Variants in SLC31A1 observed in about 807,000 individuals in gnomAD.
SLC31A1 encodes the protein high affinity copper uptake protein 1.
Under a neutral mutation model 17.2 loss-of-function variants are expected in SLC31A1, and 5 were observed. That is an observed-to-expected ratio of 0.29 (90% confidence interval 0.15 to 0.61). SLC31A1 has a LOEUF of 0.61. SLC31A1 is among the 20% of genes least tolerant of loss of function. SLC31A1 has a pLI of 0.86. For synonymous variants in SLC31A1, 76 were observed against 78.8 expected (o/e 0.96, Z 0.19); for missense variants, 161 against 241.4 (o/e 0.67, Z 2.21).
intron 1 of SLC31A1, among the ~76,000 whole-genome samples, chr9:113,239,624 C>G (rs1831499564): frequency 6.6e-6 from 1 of 152,162 alleles, no homozygotes; most frequent in Non-Finnish European, 1.5e-5. Flanking sequence ...GCTCTGTCAC[C>G]CAGGCTGCGG....
chr9:113,245,112 C>A (rs998206362), intron 1 of SLC31A1, among the ~76,000 whole-genome samples: 2 of 152,080 alleles, frequency 1.3e-5, no homozygotes, highest in African/African-American at 4.8e-5. Flanking sequence ...AGTATACCTA[C>A]GATCACTGTA....
intron 1 of SLC31A1, among the ~76,000 whole-genome samples, chr9:113,239,545 A>G (rs1264753826): frequency 2.6e-5 from 4 of 152,150 alleles, no homozygotes; most frequent in African/African-American, 9.7e-5. Flanking sequence ...ATAGCTTCCA[A>G]TTGCCCTGGA....
chr9:113,222,086 C>T (rs1389934127), intron 1 of SLC31A1, among the ~76,000 whole-genome samples: 1 of 152,204 alleles, frequency 6.6e-6, no homozygotes, highest in Non-Finnish European at 1.5e-5. Flanking sequence ...AGACTGGATT[C>T]CTCGTCCTTT....
intron 1 of SLC31A1, among the ~76,000 whole-genome samples, chr9:113,241,567 A>G (rs77461242): frequency 0.063 from 9,632 of 152,294 alleles, 657 homozygotes; most frequent in East Asian, 0.34. Flanking sequence ...GGTCCTTCCA[A>G]TTCTTAGTGG....
At chr9:113,222,670 C>T (rs1831296509) in intron 1 of SLC31A1, among the ~76,000 whole-genome samples, 2 of 152,152 alleles carry the variant, frequency 1.3e-5, no homozygotes, top group Non-Finnish European at 2.9e-5. Context: ...TTTGCACCTC[C>T]TGGCAAAGAT....
intron 1 of SLC31A1, among the ~76,000 whole-genome samples, chr9:113,243,537 C>A (rs192346915): frequency 1.5e-5 from 2 of 132,920 alleles, no homozygotes; most frequent in Non-Finnish European, 3.1e-5. Flanking sequence ...CAACCGATAT[C>A]TGGAGATAAA....
chr9:113,223,943 G>A (rs1237824093), intron 1 of SLC31A1, among the ~76,000 whole-genome samples: 1 of 152,214 alleles, frequency 6.6e-6, no homozygotes, highest in Admixed American at 6.5e-5. Context: ...CCATTAGTTG[G>A]TTAACTGAAG....
At chr9:113,223,183 C>G (rs537404919) in intron 1 of SLC31A1, 134 of 434,738 alleles carry the variant, frequency 3.1e-4, no homozygotes, top group South Asian at 1.7e-3. Flanking sequence ...AAATCAATAG[C>G]CTTTTTGGTG....
chr9:113,237,164 C>T (rs980067783), intron 1 of SLC31A1, among the ~76,000 whole-genome samples: 3 of 152,156 alleles, frequency 2.0e-5, no homozygotes, highest in Non-Finnish European at 4.4e-5. Flanking sequence ...CCATTTTCAC[C>T]CCACTTAGAG....
intron 1 of SLC31A1, among the ~76,000 whole-genome samples, chr9:113,244,519 AGT>A (rs1831555798): frequency 2.6e-5 from 4 of 152,326 alleles, no homozygotes; most frequent in African/African-American, 9.6e-5. Flanking sequence ...AAAAAACAAG[AGT>A]GAGAGAGAGA....
intron 1 of SLC31A1, among the ~76,000 whole-genome samples, chr9:113,222,527 G>A (rs1323816848): frequency 6.6e-6 from 1 of 152,190 alleles, no homozygotes; most frequent in African/African-American, 2.4e-5. Flanking sequence ...CCAGCGTAGC[G>A]TCCACAGACT....
At chr9:113,241,049 CAA>C (rs11330445) in intron 1 of SLC31A1, among the ~76,000 whole-genome samples, 282 of 94,898 alleles carry the variant, frequency 3.0e-3, no homozygotes, top group African/African-American at 9.5e-3. Flanking sequence ...GACTCTGTCT[CAA>C]AAAAAAAAAA....
intron 4 of SLC31A1, among the ~76,000 whole-genome samples, chr9:113,259,070 T>C (rs768867949): frequency 6.6e-6 from 1 of 152,192 alleles, no homozygotes; most frequent in Non-Finnish European, 1.5e-5. Flanking sequence ...TGAATGTTTG[T>C]TCTGAGTTGT....
intron 4 of SLC31A1, among the ~76,000 whole-genome samples, chr9:113,259,967 T>C (rs1395386023): frequency 6.6e-6 from 1 of 152,222 alleles, no homozygotes; most frequent in Non-Finnish European, 1.5e-5. Context: ...TGAGAGGGTT[T>C]ACGGCTTCCC....
At position 113,256,095 on chromosome 9, in the gene SLC31A1, T is replaced by C; in HGVS notation, c.-35-19T>C. On this transcript the variant is annotated intron_variant, in intron 1 of 4. Coordinates refer to ENST00000374212, the MANE Select transcript of SLC31A1 (RefSeq NM_001859.4). ...TTTTATATCCTTAAATTATTATATA[T>C]AATTCTTTCTCTTAAAAGAATCTTC... 1 of 1,547,434 alleles carries C rather than the reference T, an allele frequency of 6.5e-7. No individual in the cohort carries two copies. Among genetic ancestry groups the C allele is most frequent in the Non-Finnish European group, 8.9e-7 (1 of 1,126,032 alleles).
Position 113,260,444 on chromosome 9 carries a change from G to A in SLC31A1, c.544G>A (p.Val182Ile). ...YFLFSWKKAV[V>I]VDITEHCH ...CCTCTTCAGCTGGAAGAAGGCAGTGGTAGTGGATATCACAGAGCATTGCCA... is the reference window on the plus strand; with the variant it reads ...CCTCTTCAGCTGGAAGAAGGCAGTGATAGTGGATATCACAGAGCATTGCCA... The change falls in exon 5 of 5, where the codon GTA becomes ATA. Residue 182 changes from valine to isoleucine, a missense_variant. Transcript: ENST00000374212. 2 of 1,614,028 alleles carry A rather than the reference G, an allele frequency of 1.2e-6. No homozygotes were observed. Among genetic ancestry groups the A allele is most frequent in the South Asian group, 1.1e-5 (1 of 91,092 alleles).
chr9:113,243,036 T>A (rs1831538177), intron 1 of SLC31A1, among the ~76,000 whole-genome samples: 1 of 152,010 alleles, frequency 6.6e-6, no homozygotes, highest in African/African-American at 2.4e-5. Flanking sequence ...ACGCTAGGCT[T>A]CTAAGCCTCC....
At chr9:113,231,564 A>C (rs79123933) in intron 1 of SLC31A1, among the ~76,000 whole-genome samples, 2 of 36,128 alleles carry the variant, frequency 5.5e-5, no homozygotes, top group African/African-American at 2.9e-4. Flanking sequence ...ATCTTGTCTC[A>C]AAAAAAAAAA....
intron 1 of SLC31A1, among the ~76,000 whole-genome samples, chr9:113,233,765 G>A (rs1831424916): frequency 2.6e-5 from 4 of 152,106 alleles, no homozygotes; most frequent in Non-Finnish European, 5.9e-5. Flanking sequence ...TTTAGTTCCT[G>A]GTTGAATCTT....
Sources: allele counts gnomAD v4.1 joint callset (sites outside exome capture counted in the v4.1 genomes callset), GRCh38; gene constraint gnomAD v4.1.1; transcripts MANE v1.5; gene names NCBI Gene and HGNC (gene_info 2026-07-23, HGNC 2026-07-21).